RMDN2: variants seen among roughly 807,000 people sequenced by gnomAD.
The protein encoded by RMDN2 is regulator of microtubule dynamics 2, also known as regulator of microtubule dynamics protein 2.
RMDN2 carries 61 observed loss-of-function variants against 52.8 expected under a neutral mutation model. That is an observed-to-expected ratio of 1.16 (90% CI 0.94 to 1.43). The LOEUF is 1.43. Ranked by LOEUF, RMDN2 falls within the 40% of genes most tolerant of loss-of-function variation. The probability of loss-of-function intolerance (pLI) is 0.00; values close to 1 mark genes in which losing one functional copy is unlikely to be tolerated. For missense variants in RMDN2, 592 were observed against 475.3 expected (o/e 1.25, Z -2.28); for synonymous variants, 180 against 153.1 (o/e 1.18, Z -1.30).
chr2:38,020,263 C>G (rs1043171773), downstream of RMDN2, among the ~76,000 whole-genome samples: 1 of 152,290 alleles, frequency 6.6e-6, no homozygotes, highest in African/African-American at 2.4e-5. Flanking sequence ...GAGCCCTGAA[C>G]TTGTTTTCCT....
At chr2:38,065,652 G>A (rs1182586954) in intron 10 of RMDN2, among the ~76,000 whole-genome samples, 1 of 152,172 alleles carries the variant, frequency 6.6e-6, no homozygotes, top group Non-Finnish European at 1.5e-5. Context: ...GGGTTCTGAT[G>A]AGCCACATAC....
At chr2:37,931,377 A>G (rs1462992047) in intron 2 of RMDN2, among the ~76,000 whole-genome samples, 1 of 152,230 alleles carries the variant, frequency 6.6e-6, no homozygotes, top group African/African-American at 2.4e-5. Context: ...AAGACAAACC[A>G]GGTGGTTATC....
At chr2:38,014,186 A>AG (rs1678411362) in intron 10 of RMDN2, among the ~76,000 whole-genome samples, 1 of 152,176 alleles carries the variant, frequency 6.6e-6, no homozygotes, top group Non-Finnish European at 1.5e-5. Context: ...CACTCCAGCC[A>AG]GGGCAACAAG....
intron 2 of RMDN2, among the ~76,000 whole-genome samples, chr2:37,936,906 C>T (rs1667341609): frequency 6.6e-6 from 1 of 152,178 alleles, no homozygotes; most frequent in South Asian, 2.1e-4. Context: ...AATTAGATCC[C>T]ATTTGTCAAT....
intron 2 of RMDN2, among the ~76,000 whole-genome samples, chr2:37,932,207 C>T (rs886282111): frequency 2.7e-5 from 4 of 149,332 alleles, no homozygotes; most frequent in South Asian, 2.1e-4. Context: ...GAGGACCCTG[C>T]GGCCTTCCGC....
intron 4 of RMDN2, among the ~76,000 whole-genome samples, chr2:37,978,333 G>T (rs574066242): frequency 7.6e-6 from 1 of 131,420 alleles, no homozygotes; most frequent in Admixed American, 7.6e-5. Flanking sequence ...GGAGAGGGAG[G>T]GGGAGGGAGA....
In RMDN2 at chr2:38,017,302, T is replaced by A; in HGVS notation, c.*63T>A. On this transcript the variant is annotated 3_prime_UTR_variant, in exon 11 of 11. Coordinates refer to ENST00000354545, the MANE Select transcript of RMDN2 (RefSeq NM_001170791.3). The stretch of plus-strand genomic sequence containing the variant: ...TACCAAAATTTAAATGAATCAAAGT[T>A]GTGCTTTTATTATCCTTCATTTTTG... 1 of 1,468,422 alleles carries A rather than the reference T, an allele frequency of 6.8e-7. No homozygotes were observed. The highest frequency in any genetic ancestry group is 9.0e-7 in the Non-Finnish European group (1 of 1,105,886). The allele number at this position is 1,468,422 out of a possible 1,614,324, so 91.0% of individuals were successfully genotyped here.
chr2:38,034,544 C>T (rs937740486), intron 10 of RMDN2, among the ~76,000 whole-genome samples: 1 of 152,020 alleles, frequency 6.6e-6, no homozygotes, highest in Non-Finnish European at 1.5e-5. Flanking sequence ...CTAAAGCATT[C>T]GAGATCCTGA....
chr2:37,954,752 T>C (rs1306855518), intron 2 of RMDN2, among the ~76,000 whole-genome samples: 2 of 152,130 alleles, frequency 1.3e-5, no homozygotes, highest in Non-Finnish European at 2.9e-5. Context: ...ATCATTGGGA[T>C]TTTCAGAGGG....
At chr2:38,009,978 C>G (rs955935629) in intron 10 of RMDN2, among the ~76,000 whole-genome samples, 5 of 152,154 alleles carry the variant, frequency 3.3e-5, no homozygotes, top group Non-Finnish European at 7.3e-5. Context: ...GAGGTCCACT[C>G]CAGACCCTGT....
At chr2:37,953,840 A>G (rs1669136734) in intron 2 of RMDN2, among the ~76,000 whole-genome samples, 1 of 151,914 alleles carries the variant, frequency 6.6e-6, no homozygotes, top group South Asian at 2.1e-4. Flanking sequence ...TTTCTCCACT[A>G]CCTTGCCAAC....
intron 10 of RMDN2, among the ~76,000 whole-genome samples, chr2:38,035,334 T>G (rs1680500823): frequency 6.6e-6 from 1 of 152,134 alleles, no homozygotes. Context: ...CACACTATAT[T>G]TTGATTAGGA....
rs535897332 is a variant in RMDN2, at chr2:37,989,877, C to G, written c.867+261C>G. Among the ~76,000 whole-genome samples the G allele has an allele frequency of 2.6e-5, 4 of 152,248 alleles. No homozygotes were observed. In the South Asian group the frequency reaches 8.3e-4, roughly 32 times the overall value. On this transcript the variant is annotated intron_variant, in intron 6 of 10. Coordinates refer to ENST00000354545, the MANE Select transcript of RMDN2 (RefSeq NM_001170791.3). The stretch of plus-strand genomic sequence containing the variant: ...ATTATTAGTTGGCCGGGCACAGAGG[C>G]TCACGCCTGTAATCCCAGCACTTTG...
intron 10 of RMDN2, among the ~76,000 whole-genome samples, chr2:38,058,886 A>G (rs977913333): frequency 6.6e-6 from 1 of 152,150 alleles, no homozygotes; most frequent in Non-Finnish European, 1.5e-5. Flanking sequence ...ACTACCTGAA[A>G]ACTCTTGTGT....
At chr2:38,038,635 C>A (rs888460478) in intron 10 of RMDN2, among the ~76,000 whole-genome samples, 15 of 152,226 alleles carry the variant, frequency 9.9e-5, no homozygotes, top group Non-Finnish European at 1.6e-4. Context: ...CACTCATCAT[C>A]AACCTCTATT....
At chr2:38,066,220 C>T (rs1423037524) in intron 10 of RMDN2, among the ~76,000 whole-genome samples, 2 of 152,184 alleles carry the variant, frequency 1.3e-5, no homozygotes, top group Non-Finnish European at 2.9e-5. Context: ...AAGTGCTCAA[C>T]ATATTTTAGT....
At chr2:37,999,269 C>T (rs1364739300) in intron 8 of RMDN2, among the ~76,000 whole-genome samples, 1 of 151,960 alleles carries the variant, frequency 6.6e-6, no homozygotes, top group African/African-American at 2.4e-5. Context: ...GCGCAAATTG[C>T]TTAACCTCTC....
At chr2:38,010,413 C>T (rs928137990) in intron 10 of RMDN2, among the ~76,000 whole-genome samples, 8 of 152,306 alleles carry the variant, frequency 5.3e-5, no homozygotes, top group African/African-American at 1.2e-4. Context: ...GGCAATGGCT[C>T]GCTCCCCTCC....
intron 10 of RMDN2, among the ~76,000 whole-genome samples, chr2:38,010,697 C>T (rs757937811): frequency 2.0e-5 from 3 of 152,148 alleles, no homozygotes; most frequent in East Asian, 1.9e-4. Flanking sequence ...GGCTCATGCT[C>T]GGTGCACTGC....
Sources: allele counts gnomAD v4.1 joint callset (sites outside exome capture counted in the v4.1 genomes callset), GRCh38; gene constraint gnomAD v4.1.1; transcripts MANE v1.5; gene names NCBI Gene and HGNC (gene_info 2026-07-23, HGNC 2026-07-21).